Variants in FAM9B observed in about 807,000 individuals in gnomAD.
FAM9B encodes family with sequence similarity 9 member B.
Under a neutral mutation model 16.6 loss-of-function variants are expected in FAM9B, and 18 were observed. The ratio of observed to expected loss-of-function variants is 1.09; its 90% CI spans 0.75 to 1.61. The LOEUF (loss-of-function observed/expected upper bound fraction) is 1.61, where lower values mean the gene tolerates loss of function less well. Among genes scored for constraint, FAM9B ranks in the 40% most tolerant of loss-of-function variants. The pLI is 0.00. For missense variants in FAM9B, 155 were observed against 136.0 expected (o/e 1.14, Z -0.70); for synonymous variants, 43 against 42.6 (o/e 1.01, Z -0.03).
chrX:9,030,932 A>G (rs1921055755), intron 4 of FAM9B: 1 of 112,066 alleles, frequency 8.9e-6, no homozygotes. Context: ...AAATACATTC[A>G]AAAACACTTT....
At position 9,025,526 on chromosome X, in the gene FAM9B, G is replaced by C; in HGVS notation, c.550C>G (p.Leu184Val). The C allele has an allele frequency of 8.3e-7, 1 of 1,205,170 alleles. No homozygotes were observed. The highest frequency in any genetic ancestry group is 3.0e-5 in the East Asian group (1 of 33,716). ...ATTTAAAAACATGTCTAGTTATCAA[G>C]TTCACTGTCTTCATCGGAAAAAACT... is the stretch of plus-strand genomic sequence containing the variant. ...DRVFSDEDSE[L>V]DN The change falls in exon 8 of 9, where the codon CTT becomes GTT. Residue 184 changes from leucine (L) to valine (V), a missense_variant. Coordinates refer to ENST00000327220, the MANE Select transcript of FAM9B (RefSeq NM_205849.3).
rs1920953826 is a variant in FAM9B, at chrX:9,024,309, A to C, written c.*1100T>G. ...TTAAACTGGATAAACAAAGCACTCTACAAAATTTACCTTGCCACAGATGTG... is the reference window on the plus strand; with the variant it reads ...TTAAACTGGATAAACAAAGCACTCTCCAAAATTTACCTTGCCACAGATGTG... On this transcript the variant is annotated 3_prime_UTR_variant, in exon 9 of 9. Transcript: ENST00000327220. The C allele has an allele frequency of 8.9e-6, 1 of 111,911 alleles. No homozygotes were observed. Among genetic ancestry groups the C allele is most frequent in the East Asian group, 2.8e-4 (1 of 3,559 alleles). 9.2% of individuals were successfully genotyped at this position (111,911 alleles called of 1,213,427 possible).
At position 9,032,144 on chromosome X, in the gene FAM9B, G is replaced by A. The variant is rs746609594; in HGVS notation, c.167C>T (p.Pro56Leu). The stretch of plus-strand genomic sequence containing the variant: ...CTAAAACATACCTGCAGTATCTTCT[G>A]GCTTCTTGGTATTAGCCCTGTAAAA... The part of the protein sequence containing the change: ...DEHTGANTKK[P>L]EDTAEDLTAK... The change falls in exon 4 of 9, where the codon CCA (proline) becomes CTA (leucine). Residue 56 changes from proline (P) to leucine (L), a missense_variant. By Grantham distance (98) the Pro-to-Leu change is moderately conservative (BLOSUM62 -3). Transcript: ENST00000327220. The A allele has an allele frequency of 8.3e-7, 1 of 1,205,918 alleles. No homozygotes were observed. Among genetic ancestry groups the A allele is most frequent in the Non-Finnish European group, 1.1e-6 (1 of 893,041 alleles).
At chrX:9,028,784 A>C (rs755191230) in intron 6 of FAM9B, among the ~76,000 whole-genome samples, 2 of 111,360 alleles carry the variant, frequency 1.8e-5, no homozygotes, top group African/African-American at 6.5e-5. Context: ...TGACCACTGC[A>C]CTCAGCTGTT....
chrX:9,025,543 GA>G lies in FAM9B; in HGVS notation c.532del (p.Ser178ProfsTer15), dbSNP rs752791732. On this transcript the variant is annotated frameshift_variant, in exon 8 of 9. Transcript: ENST00000327220. LOFTEE classifies it high-confidence loss of function. ...DFEDLCDRVF[S>X]DEDSELDN ...GTTATCAAGTTCACTGTCTTCATCG[GA>G]AAAAACTCTGTCACAAAGGTCTTCA... The G allele has an allele frequency of 5.8e-6, 7 of 1,206,457 alleles. No homozygotes were observed. The Admixed American group carries it at 1.3e-4, about 23-fold the overall frequency.
rs780596472 is a variant in FAM9B, at chrX:9,032,942, C to T, written c.28+17G>A. The T allele has an allele frequency of 1.2e-5, 15 of 1,209,458 alleles. No homozygotes were observed. In the South Asian group the frequency reaches 2.5e-4, roughly 20 times the overall value. ...TGGGCGTGCACCTTCTTCTGGGTCC[C>T]CTTGGGCTGTATTTACCTGCATGCT... On this transcript the variant is annotated intron_variant, in intron 2 of 8. Coordinates refer to ENST00000327220, the MANE Select transcript of FAM9B (RefSeq NM_205849.3).
chrX:9,026,691 C>G (rs1266452462), intron 7 of FAM9B, among the ~76,000 whole-genome samples: 1 of 110,569 alleles, frequency 9.0e-6, no homozygotes, highest in East Asian at 2.8e-4. Context: ...AAACTTGCCT[C>G]GTGATAACTA....
intron 5 of FAM9B, chrX:9,030,014 C>T (rs1395176676): frequency 3.1e-5 from 14 of 451,187 alleles, no homozygotes; most frequent in Non-Finnish European, 4.8e-5. Flanking sequence ...ATTAATTTTA[C>T]AAGAAGGCTA....
chrX:9,032,790 C>T lies in FAM9B; in HGVS notation c.28+169G>A, dbSNP rs1284697631. The T allele has an allele frequency of 1.1e-5, 8 of 730,302 alleles. No individual in the cohort carries two copies. In the Admixed American group the frequency reaches 1.1e-4, roughly 10 times the overall value. 60.2% of individuals were successfully genotyped at this position (730,302 alleles called of 1,213,427 possible). On this transcript the variant is annotated intron_variant, in intron 2 of 8. Coordinates refer to ENST00000327220, the MANE Select transcript of FAM9B (RefSeq NM_205849.3). Reference sequence around the variant, plus strand: ...AGCCTTCCACGGGGAAGCCTAAGGCCCTTGAGCCTGCTTTGAAAACCTGGC... The same window carrying T: ...AGCCTTCCACGGGGAAGCCTAAGGCTCTTGAGCCTGCTTTGAAAACCTGGC...
In FAM9B at chrX:9,033,255, G is replaced by A. The variant is rs999950662; in HGVS notation, c.-89-180C>T. 9.2e-6 allele frequency: 10 copies of A among 1,087,788 alleles called. No homozygotes were observed. The Admixed American group carries it at 1.4e-4, about 15-fold the overall frequency. The allele number at this position is 1,087,788 out of a possible 1,213,427, so 89.6% of individuals were successfully genotyped here. A position where few individuals can be genotyped will look rare whatever the true frequency, so the allele number is the denominator to read the frequency against. On this transcript the variant is annotated intron_variant, in intron 1 of 8. Transcript: ENST00000327220. ...GTCCTGGCCCGTCCAGCCCGTCCCC[G>A]GGGCTGGCTGCAAAGCTCACAGCTG...
intron 4 of FAM9B, chrX:9,031,281 T>A (rs1921065524): frequency 9.0e-6 from 1 of 111,594 alleles, no homozygotes; most frequent in Non-Finnish European, 1.9e-5. Flanking sequence ...GTCTCCATCA[T>A]CTCTACAGAA....
intron 6 of FAM9B, among the ~76,000 whole-genome samples, chrX:9,028,616 A>G (rs1920990686): frequency 8.9e-6 from 1 of 112,015 alleles, no homozygotes; most frequent in African/African-American, 3.2e-5. Flanking sequence ...ACTCTGACGT[A>G]GGTACTCTTA....
rs777302447 is a variant in FAM9B at position 9,032,557 on chromosome X, G to T, written c.29-96C>A. 21 of 590,306 alleles carry T rather than the reference G, an allele frequency of 3.6e-5. 1 individual carries two copies. The highest frequency in any genetic ancestry group is 1.1e-4 in the South Asian group (4 of 34,825). 48.6% of individuals were successfully genotyped at this position (590,306 alleles called of 1,213,427 possible). A position where few individuals can be genotyped will look rare whatever the true frequency, so the allele number is the denominator to read the frequency against. On this transcript the variant is annotated intron_variant, in intron 2 of 8. Transcript: ENST00000327220. ...TGTACTAGTTGTAGACTTTTTTGGG[G>T]GGGGGGGGCTCTCTGCCAATTAAAG... is the stretch of plus-strand genomic sequence containing the variant.
At chrX:9,033,480 G>A (rs760916850) in intron 1 of FAM9B, 66 of 525,539 alleles carry the variant, frequency 1.3e-4, no homozygotes, top group East Asian at 1.1e-3. Flanking sequence ...GGGGACCCCC[G>A]GTGACCCCCG....
At chrX:9,029,090 A>T (rs376718750) in intron 6 of FAM9B, among the ~76,000 whole-genome samples, 4 of 111,800 alleles carry the variant, frequency 3.6e-5, no homozygotes, top group African/African-American at 1.3e-4. Context: ...AAATATGCCA[A>T]CTGGGCTTAC....
In FAM9B at chrX:9,033,165, G is replaced by C. The variant is rs760014502; in HGVS notation, c.-89-90C>G. ...GGATCACAGGTTCAAGAAGGGTGGGGCTGGCCCGCCCTGGGTCTCATGTGG... is the reference window on the plus strand; with the variant it reads ...GGATCACAGGTTCAAGAAGGGTGGGCCTGGCCCGCCCTGGGTCTCATGTGG... On this transcript the variant is annotated intron_variant, in intron 1 of 8. Transcript: ENST00000327220. 20 of 1,159,945 alleles carry C rather than the reference G, an allele frequency of 1.7e-5. No homozygotes were observed. In the Admixed American group the frequency reaches 4.7e-4, roughly 27 times the overall value.
At chrX:9,030,631 TAA>T (rs1014451837) in intron 4 of FAM9B, 4 of 211,191 alleles carry the variant, frequency 1.9e-5, no homozygotes, top group Non-Finnish European at 2.5e-5. Flanking sequence ...AGCAAATAAT[TAA>T]AAGTCTCTAT....
intron 5 of FAM9B, 40 bp from the exon 6 acceptor site, chrX:9,029,458 G>A (rs749163144): frequency 7.2e-5 from 70 of 968,739 alleles, no homozygotes; most frequent in Non-Finnish European, 9.8e-5. Context: ...ACGTCATAGA[G>A]AGATGAAAAA....
chrX:9,033,653 A>C, intron 1 of FAM9B, 199 bp downstream of exon 1: 1 of 643,591 alleles, frequency 1.6e-6, no homozygotes, highest in Non-Finnish European at 1.8e-6. Context: ...GGGATCACCC[A>C]GGCAGCTCCA....
Sources: allele counts gnomAD v4.1 joint callset (sites outside exome capture counted in the v4.1 genomes callset), GRCh38; gene constraint gnomAD v4.1.1; transcripts MANE v1.5; gene names NCBI Gene and HGNC (gene_info 2026-07-23, HGNC 2026-07-21).